CAMK4: variants seen among roughly 807,000 people sequenced by gnomAD.
CAMK4 encodes calcium/calmodulin-dependent protein kinase type IV.
In CAMK4, 22 loss-of-function variants were observed where a neutral mutation model predicts 44.9. That is an observed-to-expected ratio of 0.49 (90% CI 0.35 to 0.70). CAMK4 has a LOEUF of 0.70. Among genes scored for constraint, CAMK4 ranks in the 30% least tolerant of loss-of-function variants. The pLI is 0.01. For missense variants in CAMK4, 498 were observed against 586.8 expected (o/e 0.85, Z 1.56); for synonymous variants, 218 against 215.4 (o/e 1.01, Z -0.11).
intron 1 of CAMK4, among the ~76,000 whole-genome samples, chr5:111,336,539 C>G (rs1206838803): frequency 6.6e-6 from 1 of 150,838 alleles, no homozygotes; most frequent in Non-Finnish European, 1.5e-5. Context: ...TTAGCTTACT[C>G]TTTCTTGCCT....
chr5:111,244,915 T>C (rs1425588159), intron 1 of CAMK4, among the ~76,000 whole-genome samples: 12 of 152,026 alleles, frequency 7.9e-5, no homozygotes, highest in Admixed American at 7.9e-4. Context: ...ATAAAATAAA[T>C]CCTTTTTTGT....
intron 9 of CAMK4, among the ~76,000 whole-genome samples, chr5:111,480,375 A>G (rs1302655437): frequency 6.6e-6 from 1 of 150,844 alleles, no homozygotes; most frequent in Non-Finnish European, 1.5e-5. Flanking sequence ...AGTCCCTCCC[A>G]CCTATAGTTG....
chr5:111,483,023 C>G, intron 10 of CAMK4, 86 bp downstream of exon 10: 1 of 1,123,258 alleles, frequency 8.9e-7, no homozygotes, highest in Non-Finnish European at 1.2e-6. Context: ...TTCTACCGTT[C>G]TTCATCTAAT....
intron 2 of CAMK4, among the ~76,000 whole-genome samples, chr5:111,352,602 G>T (rs1580636877): frequency 7.1e-6 from 1 of 140,076 alleles, no homozygotes. Flanking sequence ...CATGTGGTGA[G>T]GGGCTTCTTC....
Position 111,492,668 on chromosome 5 carries a change from C to T in CAMK4, c.*8202C>T, listed in dbSNP as rs959775986. 1.3e-5 allele frequency: 2 copies of T among 152,172 alleles called. No homozygotes were observed. Among genetic ancestry groups the T allele is most frequent in the African/African-American group, 2.4e-5 (1 of 41,436 alleles). The allele number at this position is 152,172 out of a possible 1,614,324, so 9.4% of individuals were successfully genotyped here. On this transcript the variant is annotated 3_prime_UTR_variant, in exon 11 of 11. Coordinates refer to ENST00000282356, the MANE Select transcript of CAMK4 (RefSeq NM_001744.6). Reference sequence around the variant, plus strand: ...AGGAAGTGATTTTCTAATTTTGAAGCTTCCCAGGAGCAGCCCCCTCCAGGA... The same window carrying T: ...AGGAAGTGATTTTCTAATTTTGAAGTTTCCCAGGAGCAGCCCCCTCCAGGA...
chr5:111,234,040 G>A (rs567175642), intron 1 of CAMK4, among the ~76,000 whole-genome samples: 1 of 152,188 alleles, frequency 6.6e-6, no homozygotes, highest in African/African-American at 2.4e-5. Context: ...TGTTGGTTAA[G>A]TAACACATAT....
At chr5:111,252,133 C>T (rs1007265618) in intron 1 of CAMK4, among the ~76,000 whole-genome samples, 1 of 152,176 alleles carries the variant, frequency 6.6e-6, no homozygotes, top group East Asian at 1.9e-4. Flanking sequence ...GTATTCATGG[C>T]AGCTCTGGGA....
At chr5:111,404,334 G>A (rs944940911) in intron 5 of CAMK4, among the ~76,000 whole-genome samples, 3 of 152,180 alleles carry the variant, frequency 2.0e-5, no homozygotes, top group African/African-American at 4.8e-5. Context: ...TCTGTAAACT[G>A]TCTAGAACCA....
intron 1 of CAMK4, among the ~76,000 whole-genome samples, chr5:111,313,683 G>C (rs1748303758): frequency 6.6e-6 from 1 of 152,060 alleles, no homozygotes; most frequent in Admixed American, 6.6e-5. Context: ...ACAGTGCTTA[G>C]AGTGTAGAAC....
intron 1 of CAMK4, among the ~76,000 whole-genome samples, chr5:111,310,007 G>T (rs1194078656): frequency 6.6e-6 from 1 of 152,132 alleles, no homozygotes; most frequent in Non-Finnish European, 1.5e-5. Context: ...CAGGGTTCAG[G>T]CTTCTATGTC....
intron 1 of CAMK4, among the ~76,000 whole-genome samples, chr5:111,280,366 A>G (rs1421622427): frequency 1.3e-5 from 2 of 152,220 alleles, no homozygotes; most frequent in African/African-American, 4.8e-5. Flanking sequence ...CAAAAATGCA[A>G]TGGCTCAAAT....
chr5:111,252,147 A>G (rs1293243450), intron 1 of CAMK4, among the ~76,000 whole-genome samples: 1 of 152,088 alleles, frequency 6.6e-6, no homozygotes, highest in Non-Finnish European at 1.5e-5. Flanking sequence ...TCTGGGAATT[A>G]CCCCTAAGTC....
intron 2 of CAMK4, among the ~76,000 whole-genome samples, chr5:111,372,806 G>C (rs1288469326): frequency 6.6e-6 from 1 of 152,132 alleles, no homozygotes. Context: ...GATGTATCAA[G>C]ATGTGCGTCT....
At chr5:111,370,145 A>T (rs1410578946) in intron 2 of CAMK4, among the ~76,000 whole-genome samples, 1 of 152,130 alleles carries the variant, frequency 6.6e-6, no homozygotes, top group African/African-American at 2.4e-5. Context: ...CTTTTTAAGA[A>T]ATGTTTTCAT....
chr5:111,258,319 G>GA (rs1749824808), intron 1 of CAMK4, among the ~76,000 whole-genome samples: 1 of 152,092 alleles, frequency 6.6e-6, no homozygotes, highest in African/African-American at 2.4e-5. Flanking sequence ...GTATACTTCA[G>GA]AAAATACCGC....
At chr5:111,413,031 A>G (rs1233615622) in intron 5 of CAMK4, among the ~76,000 whole-genome samples, 2 of 152,142 alleles carry the variant, frequency 1.3e-5, no homozygotes, top group Admixed American at 6.5e-5. Context: ...CGCTGCTTCA[A>G]TAAAAGTTGC....
rs775714454 is a variant in CAMK4, at chr5:111,376,840, T to C, written c.304-20T>C. ...GGAATAAGAAATTTGTGATATTCTT[T>C]TTTTTATATCTTTCCCTAGATAAAA... On this transcript the variant is annotated intron_variant, in intron 3 of 10. Coordinates refer to ENST00000282356, the MANE Select transcript of CAMK4 (RefSeq NM_001744.6). The C allele has an allele frequency of 1.4e-6, 2 of 1,435,562 alleles. No individual in the cohort carries two copies. Among genetic ancestry groups the C allele is most frequent in the Admixed American group, 3.6e-5 (2 of 55,666 alleles). The allele number at this position is 1,435,562 out of a possible 1,614,324, so 88.9% of individuals were successfully genotyped here. A position where few individuals can be genotyped will look rare whatever the true frequency, so the allele number is the denominator to read the frequency against.
At chr5:111,339,267 C>T (rs1749539839) in intron 1 of CAMK4, among the ~76,000 whole-genome samples, 1 of 151,168 alleles carries the variant, frequency 6.6e-6, no homozygotes, top group South Asian at 2.1e-4. Flanking sequence ...CTTTTGTTAG[C>T]TGTACCTTTG....
At chr5:111,445,889 A>G (rs1754009055) in intron 5 of CAMK4, among the ~76,000 whole-genome samples, 1 of 152,244 alleles carries the variant, frequency 6.6e-6, no homozygotes, top group African/African-American at 2.4e-5. Flanking sequence ...TGTTCAAACA[A>G]ACTTTTTGGG....
Sources: gnomAD v4.1 joint callset for allele counts (sites outside exome capture counted in the v4.1 genomes callset) on GRCh38, gnomAD v4.1.1 for gene constraint, MANE v1.5 for transcripts, NCBI Gene and HGNC (gene_info 2026-07-23, HGNC 2026-07-21) for gene names.